Variants in PYHIN1 observed in about 807,000 individuals in gnomAD.
The protein encoded by PYHIN1 is pyrin and HIN domain-containing protein 1.
In PYHIN1, 32 loss-of-function variants were observed where a neutral mutation model predicts 43.7. The observed-to-expected ratio is 0.73, with a 90% confidence interval of 0.55 to 0.98. PYHIN1 has a LOEUF of 0.98. PYHIN1 is among the 50% of genes least tolerant of loss of function. The pLI, the probability that PYHIN1 is intolerant of heterozygous loss-of-function variation, is 0.00. For missense variants in PYHIN1, 588 were observed against 589.5 expected (o/e 1.00, Z 0.03); for synonymous variants, 205 against 203.1 (o/e 1.01, Z -0.08).
chr1:158,986,268 A>T, the PYHIN1 span, among the ~76,000 whole-genome samples: 1 of 151,986 alleles, frequency 6.6e-6, no homozygotes. Flanking sequence ...TGTTCTTTGG[A>T]TGGGGCTCTT....
At chr1:158,969,064 T>A (rs1168096024) in intron 7 of PYHIN1, among the ~76,000 whole-genome samples, 2 of 151,952 alleles carry the variant, frequency 1.3e-5, no homozygotes, top group Non-Finnish European at 2.9e-5. Flanking sequence ...GTTAAAAAAA[T>A]AATTTTTGGT....
intron 7 of PYHIN1, among the ~76,000 whole-genome samples, chr1:158,951,268 C>A (rs955162581): frequency 3.9e-5 from 6 of 152,216 alleles, no homozygotes; most frequent in Admixed American, 3.9e-4. Context: ...TCTGCTTGTT[C>A]ATTGCCATAA....
At chr1:158,950,514 G>A (rs904047255) in intron 7 of PYHIN1, among the ~76,000 whole-genome samples, 2 of 152,106 alleles carry the variant, frequency 1.3e-5, no homozygotes, top group Non-Finnish European at 1.5e-5. Flanking sequence ...GAGGGTGTGT[G>A]GACACAAGCA....
At chr1:158,961,863 G>A (rs141870535) in intron 7 of PYHIN1, among the ~76,000 whole-genome samples, 2 of 152,248 alleles carry the variant, frequency 1.3e-5, no homozygotes, top group East Asian at 1.9e-4. Flanking sequence ...GGGAGGTCAG[G>A]CTGCCTCACA....
At chr1:158,932,968 T>C (rs1191911957) in intron 1 of PYHIN1, among the ~76,000 whole-genome samples, 1 of 152,178 alleles carries the variant, frequency 6.6e-6, no homozygotes, top group African/African-American at 2.4e-5. Context: ...TATGAGATTT[T>C]AAATGTTGAT....
At chr1:158,935,730 T>C (rs1648494039) in intron 1 of PYHIN1, among the ~76,000 whole-genome samples, 2 of 152,072 alleles carry the variant, frequency 1.3e-5, no homozygotes. Flanking sequence ...CTGCAGCCCA[T>C]TTACACCTAG....
chr1:158,988,215 A>G, the PYHIN1 span, among the ~76,000 whole-genome samples: 2 of 152,186 alleles, frequency 1.3e-5, no homozygotes, highest in African/African-American at 4.8e-5. Flanking sequence ...AATAGTTTGG[A>G]AAAGTGACAT....
rs1254123277 is a variant in PYHIN1, at chr1:158,936,882, C to T, written c.-20-9C>T. 5 of 1,527,730 alleles carry T rather than the reference C, an allele frequency of 3.3e-6. No individual in the cohort carries two copies. The highest frequency in any genetic ancestry group is 2.1e-5 in the Admixed American group (1 of 46,660). The allele number at this position is 1,527,730 out of a possible 1,614,324, so 94.6% of individuals were successfully genotyped here. A position where few individuals can be genotyped will look rare whatever the true frequency, so the allele number is the denominator to read the frequency against. On this transcript the variant is annotated splice_polypyrimidine_tract_variant and intron_variant, in intron 1 of 8. Transcript: ENST00000368140. ...ATGTGTAACACTATATACCATTTTTCTCTTGCAGGCTCACTTATATCTTTA... is the reference window on the plus strand; with the variant it reads ...ATGTGTAACACTATATACCATTTTTTTCTTGCAGGCTCACTTATATCTTTA...
chr1:158,946,425 T>G (rs563971200), intron 7 of PYHIN1, among the ~76,000 whole-genome samples: 1 of 152,314 alleles, frequency 6.6e-6, no homozygotes, highest in South Asian at 2.1e-4. Flanking sequence ...TCAAGTAGAT[T>G]GTTAAGTATT....
downstream of PYHIN1, among the ~76,000 whole-genome samples, chr1:158,978,632 T>C (rs1324924796): frequency 2.0e-5 from 3 of 152,134 alleles, no homozygotes; most frequent in African/African-American, 7.2e-5. Flanking sequence ...ATGTAGATGA[T>C]GGTAATTAAC....
downstream of PYHIN1, among the ~76,000 whole-genome samples, chr1:158,980,379 G>T (rs1245799634): frequency 6.6e-6 from 1 of 152,112 alleles, no homozygotes; most frequent in Non-Finnish European, 1.5e-5. Flanking sequence ...CGTAAGCTCT[G>T]ACTGCCTGCG....
At chr1:158,982,372 TC>T in the PYHIN1 span, among the ~76,000 whole-genome samples, 2 of 152,202 alleles carry the variant, frequency 1.3e-5, no homozygotes, top group African/African-American at 4.8e-5. Context: ...CAGCCAGTTA[TC>T]CTGACACTGC....
At chr1:158,989,216 C>T in the PYHIN1 span, among the ~76,000 whole-genome samples, 1 of 152,102 alleles carries the variant, frequency 6.6e-6, no homozygotes, top group South Asian at 2.1e-4. Flanking sequence ...CTGAGTCTCA[C>T]CCATATTTAT....
chr1:158,968,463 C>T (rs190497281), intron 7 of PYHIN1, among the ~76,000 whole-genome samples: 3 of 152,012 alleles, frequency 2.0e-5, no homozygotes, highest in Non-Finnish European at 4.4e-5. Context: ...GGTGAGCTTG[C>T]AGAGAAAAGG....
intron 2 of PYHIN1, among the ~76,000 whole-genome samples, chr1:158,938,041 A>C (rs1399925510): frequency 6.6e-6 from 1 of 152,210 alleles, no homozygotes; most frequent in Admixed American, 6.5e-5. Flanking sequence ...ATTTAAATAG[A>C]TTATCTGGAG....
intron 7 of PYHIN1, among the ~76,000 whole-genome samples, chr1:158,949,364 C>A (rs949509554): frequency 6.6e-6 from 1 of 152,140 alleles, no homozygotes; most frequent in Non-Finnish European, 1.5e-5. Flanking sequence ...CATTACTTTC[C>A]TGGCTTTTTT....
At chr1:158,956,424 C>A (rs1430787088) in intron 7 of PYHIN1, among the ~76,000 whole-genome samples, 7 of 152,008 alleles carry the variant, frequency 4.6e-5, no homozygotes, top group Admixed American at 1.3e-4. Flanking sequence ...TGGGTTTCAT[C>A]CCTGGGATGC....
intron 4 of PYHIN1, 129 bp from the exon 5 acceptor site, chr1:158,941,848 A>G: frequency 1.3e-6 from 1 of 762,272 alleles, no homozygotes; most frequent in East Asian, 2.8e-5. Context: ...CCTTCCCTGT[A>G]TCCTGGCCCC....
At chr1:158,981,601 T>C (rs1159557408), downstream of PYHIN1, among the ~76,000 whole-genome samples, 1 of 152,220 alleles carries the variant, frequency 6.6e-6, no homozygotes, top group Non-Finnish European at 1.5e-5. Context: ...GTTAGTTCTG[T>C]TTTAAGTTAT....
Sources: allele counts gnomAD v4.1 joint callset (sites outside exome capture counted in the v4.1 genomes callset), GRCh38; gene constraint gnomAD v4.1.1; transcripts MANE v1.5; gene names NCBI Gene and HGNC (gene_info 2026-07-23, HGNC 2026-07-21).